TAFA1: variants seen among roughly 807,000 people sequenced by gnomAD.
TAFA1 encodes chemokine-like protein TAFA-1.
A neutral mutation model predicts 18.5 loss-of-function variants in TAFA1; 4 were observed. The ratio of observed to expected loss-of-function variants is 0.22; its 90% CI spans 0.11 to 0.49. The LOEUF (loss-of-function observed/expected upper bound fraction) is 0.49. TAFA1 is among the 20% of genes least tolerant of loss of function. The pLI, the probability that TAFA1 is intolerant of heterozygous loss-of-function variation, is 0.98. For synonymous variants in TAFA1, 56 were observed against 55.2 expected, an observed-to-expected ratio of 1.01 and a Z score of -0.06; for missense variants, 147 against 169.0, an observed-to-expected ratio of 0.87 and a Z score of 0.72.
chr3:68,456,935 AGTGGCACCTCGTATGGGTCCCATG>A (rs2071677669), intron 3 of TAFA1, among the ~76,000 whole-genome samples: 1 of 152,202 alleles, frequency 6.6e-6, no homozygotes, highest in African/African-American at 2.4e-5. Flanking sequence ...AACCATCACT[AGTGGCACCTCGTATGGGTCCCATG>A]GTGTTATCCA....
chr3:68,316,587 T>A (rs1426994765), intron 2 of TAFA1, among the ~76,000 whole-genome samples: 12 of 152,114 alleles, frequency 7.9e-5, no homozygotes, highest in Admixed American at 6.5e-4. Context: ...CCAGAAAACA[T>A]AATAAAAACC....
At chr3:68,405,236 G>T (rs978923019) in intron 2 of TAFA1, among the ~76,000 whole-genome samples, 1 of 152,020 alleles carries the variant, frequency 6.6e-6, no homozygotes, top group Non-Finnish European at 1.5e-5. Flanking sequence ...CATTTTAAGA[G>T]AATAAAAAGA....
At chr3:68,098,256 TG>T (rs967472117) in intron 2 of TAFA1, among the ~76,000 whole-genome samples, 2 of 147,724 alleles carry the variant, frequency 1.4e-5, no homozygotes, top group Non-Finnish European at 3.0e-5. Context: ...AAGGTGTGAC[TG>T]TTTTTTTTTA....
intron 3 of TAFA1, among the ~76,000 whole-genome samples, chr3:68,508,963 G>A (rs755806207): frequency 6.6e-5 from 10 of 151,958 alleles, no homozygotes; most frequent in Non-Finnish European, 1.3e-4. Context: ...ATCATGGTGT[G>A]GGTGTGTTTG....
upstream of TAFA1, among the ~76,000 whole-genome samples, chr3:68,001,924 G>C (rs1704287871): frequency 6.6e-6 from 1 of 152,186 alleles, no homozygotes; most frequent in Non-Finnish European, 1.5e-5. Flanking sequence ...TGCTTCAAAG[G>C]CAAGAAGAGA....
At chr3:68,143,429 C>G (rs2065695097) in intron 2 of TAFA1, among the ~76,000 whole-genome samples, 1 of 152,222 alleles carries the variant, frequency 6.6e-6, no homozygotes. Context: ...CATCCTTCTA[C>G]TAACACTCTG....
intron 2 of TAFA1, among the ~76,000 whole-genome samples, chr3:68,300,540 GC>G (rs965991783): frequency 1.3e-5 from 2 of 152,124 alleles, no homozygotes; most frequent in African/African-American, 2.4e-5. Context: ...TTGGGTTAAT[GC>G]TGGAATGAAG....
intron 2 of TAFA1, among the ~76,000 whole-genome samples, chr3:68,299,769 C>T (rs1027446089): frequency 6.6e-6 from 1 of 152,196 alleles, no homozygotes; most frequent in Non-Finnish European, 1.5e-5. Flanking sequence ...TCCTGCATAC[C>T]AGCTGTGGCT....
intron 2 of TAFA1, among the ~76,000 whole-genome samples, chr3:68,128,996 A>T (rs954384149): frequency 6.6e-6 from 1 of 152,222 alleles, no homozygotes; most frequent in African/African-American, 2.4e-5. Context: ...ACTTCTACAA[A>T]TGATATTATA....
intron 2 of TAFA1, among the ~76,000 whole-genome samples, chr3:68,019,014 A>G (rs527583501): frequency 1.3e-5 from 2 of 152,356 alleles, no homozygotes; most frequent in South Asian, 4.1e-4. Context: ...GTATAAACAT[A>G]AAAGGAAAAC....
intron 3 of TAFA1, among the ~76,000 whole-genome samples, chr3:68,422,621 A>G (rs1321299112): frequency 6.6e-6 from 1 of 152,114 alleles, no homozygotes; most frequent in South Asian, 2.1e-4. Flanking sequence ...AAACCTTAGC[A>G]GCTTATTCAA....
chr3:68,267,532 G>A (rs1403694030), intron 2 of TAFA1, among the ~76,000 whole-genome samples: 1 of 152,168 alleles, frequency 6.6e-6, no homozygotes, highest in African/African-American at 2.4e-5. Context: ...AGATGGAAGT[G>A]CTTTTGATTG....
chr3:68,123,576 C>T (rs2065426761), intron 2 of TAFA1, among the ~76,000 whole-genome samples: 1 of 152,128 alleles, frequency 6.6e-6, no homozygotes, highest in African/African-American at 2.4e-5. Flanking sequence ...AAGAGATGGT[C>T]TGCCCTTGAT....
chr3:68,297,219 C>T (rs2068223528), intron 2 of TAFA1, among the ~76,000 whole-genome samples: 1 of 152,174 alleles, frequency 6.6e-6, no homozygotes, highest in Non-Finnish European at 1.5e-5. Context: ...GATCTTTATT[C>T]TAAGTGAAAC....
At chr3:68,474,773 A>G (rs1316132528) in intron 3 of TAFA1, among the ~76,000 whole-genome samples, 6 of 152,232 alleles carry the variant, frequency 3.9e-5, no homozygotes, top group African/African-American at 1.4e-4. Flanking sequence ...AAAGTGAGCC[A>G]CACAAATCAT....
intron 3 of TAFA1, among the ~76,000 whole-genome samples, chr3:68,420,086 G>A (rs2070925105): frequency 6.6e-6 from 1 of 151,992 alleles, no homozygotes. Flanking sequence ...ATTGCTTCAG[G>A]GCATGAATAT....
intron 2 of TAFA1, among the ~76,000 whole-genome samples, chr3:68,240,898 T>C (rs2066988267): frequency 6.6e-6 from 1 of 152,170 alleles, no homozygotes; most frequent in African/African-American, 2.4e-5. Context: ...AACTTAACCA[T>C]GGACACAGAA....
intron 2 of TAFA1, among the ~76,000 whole-genome samples, chr3:68,263,124 G>T (rs1178636552): frequency 6.6e-6 from 1 of 152,058 alleles, no homozygotes; most frequent in Non-Finnish European, 1.5e-5. Context: ...AAGAGATGGT[G>T]TCTTACTATG....
chr3:68,406,613 T>C (rs1218897785), intron 2 of TAFA1, among the ~76,000 whole-genome samples: 1 of 152,142 alleles, frequency 6.6e-6, no homozygotes, highest in African/African-American at 2.4e-5. Context: ...TTGCATTAAT[T>C]TGGAATGTAT....
Sources: gnomAD v4.1 joint callset for allele counts (sites outside exome capture counted in the v4.1 genomes callset) on GRCh38, gnomAD v4.1.1 for gene constraint, MANE v1.5 for transcripts, NCBI Gene and HGNC (gene_info 2026-07-23, HGNC 2026-07-21) for gene names.